LPP: variants seen among roughly 807,000 people sequenced by gnomAD.
The protein encoded by LPP is LIM domain containing preferred translocation partner in lipoma, also known as lipoma-preferred partner.
Under a neutral mutation model 60.4 loss-of-function variants are expected in LPP, and 38 were observed. That is an observed-to-expected ratio of 0.63 (90% CI 0.49 to 0.83). LPP has a LOEUF of 0.83. LPP is among the 40% of genes least tolerant of loss of function. The pLI is 0.00. For missense variants in LPP, 902 were observed against 783.6 expected, an observed-to-expected ratio of 1.15 and a Z score of -1.80; for synonymous variants, 328 against 290.8, an observed-to-expected ratio of 1.13 and a Z score of -1.30.
chr3:188,488,851 T>A (rs957099725), intron 5 of LPP, among the ~76,000 whole-genome samples: 4 of 151,976 alleles, frequency 2.6e-5, no homozygotes, highest in Non-Finnish European at 1.5e-5. Flanking sequence ...ATTGGCCAGG[T>A]TGGTCTCAAA....
At chr3:188,358,056 C>G (rs1768124862) in intron 3 of LPP, among the ~76,000 whole-genome samples, 1 of 152,190 alleles carries the variant, frequency 6.6e-6, no homozygotes, top group Non-Finnish European at 1.5e-5. Flanking sequence ...ATGGCCACTT[C>G]TAAACTCTCT....
chr3:188,181,443 T>C (rs1236407489), intron 1 of LPP, among the ~76,000 whole-genome samples: 1 of 152,066 alleles, frequency 6.6e-6, no homozygotes, highest in Non-Finnish European at 1.5e-5. Flanking sequence ...ATTGTATCTG[T>C]GTATCTATCT....
chr3:188,603,063 A>AATAATG (rs1244523582), intron 6 of LPP, among the ~76,000 whole-genome samples: 1 of 139,280 alleles, frequency 7.2e-6, no homozygotes, highest in African/African-American at 2.6e-5. Flanking sequence ...TAATAATAAT[A>AATAATG]ATGAACACAG....
intron 6 of LPP, among the ~76,000 whole-genome samples, chr3:188,570,650 T>C (rs1833335284): frequency 6.6e-6 from 1 of 151,978 alleles, no homozygotes; most frequent in African/African-American, 2.4e-5. Context: ...CCAGATTTAA[T>C]CAATCTTAGT....
chr3:188,339,166 G>A (rs373770808), intron 2 of LPP, among the ~76,000 whole-genome samples: 72 of 152,310 alleles, frequency 4.7e-4, no homozygotes, highest in South Asian at 4.1e-3. Flanking sequence ...TCAGCAGTTA[G>A]TTATAAAATA....
At chr3:188,618,954 T>C (rs1845339561) in intron 7 of LPP, among the ~76,000 whole-genome samples, 1 of 152,218 alleles carries the variant, frequency 6.6e-6, no homozygotes, top group South Asian at 2.1e-4. Context: ...AATTTTAACA[T>C]AAGTCTGAAT....
chr3:188,868,651 A>G (rs1767279999), intron 10 of LPP, among the ~76,000 whole-genome samples: 1 of 152,232 alleles, frequency 6.6e-6, no homozygotes. Context: ...CTAGAATACA[A>G]AGCAGCTAAA....
chr3:188,631,543 T>C lies in LPP; in HGVS notation c.1113+21699T>C, dbSNP rs982472600. ...AGAGAAAGTATCTCCATTTGCATCA[T>C]CGAAAACCAAGTAGTACTCCACATG... On this transcript the variant is annotated intron_variant, in intron 7 of 11. Coordinates refer to ENST00000617246, the MANE Select transcript of LPP (RefSeq NM_001375462.1). Among the ~76,000 whole-genome samples the C allele has an allele frequency of 3.9e-5, 6 of 152,192 alleles. 1 individual carries two copies. The highest frequency in any genetic ancestry group is 1.9e-4 in the East Asian group (1 of 5,186).
intron 4 of LPP, among the ~76,000 whole-genome samples, chr3:188,436,757 A>G (rs1261248115): frequency 2.6e-5 from 4 of 152,178 alleles, no homozygotes; most frequent in African/African-American, 7.2e-5. Context: ...GAAAAAGAAT[A>G]TATATTTTAA....
intron 2 of LPP, among the ~76,000 whole-genome samples, chr3:188,228,513 G>A (rs1363533611): frequency 2.6e-5 from 4 of 152,146 alleles, no homozygotes; most frequent in Non-Finnish European, 5.9e-5. Context: ...GCTGGGCATC[G>A]TGGCTCACAT....
chr3:188,494,128 A>G (rs372420558), intron 5 of LPP, among the ~76,000 whole-genome samples: 3 of 152,150 alleles, frequency 2.0e-5, no homozygotes, highest in Non-Finnish European at 2.9e-5. Context: ...CTTCAACCAT[A>G]TATGTAATTA....
chr3:188,216,011 G>C (rs1326266603), intron 1 of LPP, among the ~76,000 whole-genome samples: 1 of 152,152 alleles, frequency 6.6e-6, no homozygotes, highest in South Asian at 2.1e-4. Context: ...CTAGCAAATG[G>C]TATGAGACAT....
At chr3:188,665,594 G>A (rs62290005) in intron 7 of LPP, among the ~76,000 whole-genome samples, 1 of 151,648 alleles carries the variant, frequency 6.6e-6, no homozygotes, top group African/African-American at 2.4e-5. Context: ...CGAGGAGCTG[G>A]GATTACAGGC....
intron 7 of LPP, among the ~76,000 whole-genome samples, chr3:188,703,498 T>G (rs1377633460): frequency 6.6e-6 from 1 of 152,194 alleles, no homozygotes; most frequent in East Asian, 1.9e-4. Context: ...AACCCTGTGT[T>G]TCTCCATGGT....
At chr3:188,446,979 A>C (rs1462388971) in intron 4 of LPP, among the ~76,000 whole-genome samples, 1 of 152,154 alleles carries the variant, frequency 6.6e-6, no homozygotes, top group Non-Finnish European at 1.5e-5. Context: ...TCTCTCCTTT[A>C]GCAGTTGGCT....
chr3:188,442,596 A>G (rs1794275639), intron 4 of LPP, among the ~76,000 whole-genome samples: 1 of 152,172 alleles, frequency 6.6e-6, no homozygotes. Context: ...GGGCAGCAAC[A>G]TATTTTCTAT....
chr3:188,647,261 C>G (rs1851273607), intron 7 of LPP, among the ~76,000 whole-genome samples: 1 of 152,210 alleles, frequency 6.6e-6, no homozygotes, highest in Admixed American at 6.5e-5. Context: ...AGCTGTGGTC[C>G]TCACACAGGG....
At chr3:188,425,340 G>T (rs150914435) in intron 4 of LPP, among the ~76,000 whole-genome samples, 2 of 152,038 alleles carry the variant, frequency 1.3e-5, no homozygotes, top group South Asian at 4.2e-4. Context: ...TGCAGGATTC[G>T]GTTTTCCAGT....
intron 4 of LPP, among the ~76,000 whole-genome samples, chr3:188,474,388 CA>C (rs67625859): frequency 4.6e-5 from 2 of 43,196 alleles, no homozygotes; most frequent in East Asian, 5.4e-4. Context: ...ATGTCATTGA[CA>C]ATGCATTGAC....
Sources: allele counts gnomAD v4.1 joint callset (sites outside exome capture counted in the v4.1 genomes callset), GRCh38; gene constraint gnomAD v4.1.1; transcripts MANE v1.5; gene names NCBI Gene and HGNC (gene_info 2026-07-23, HGNC 2026-07-21).